PI3: variants seen among roughly 807,000 people sequenced by gnomAD.
The protein encoded by PI3 is elafin.
A neutral mutation model predicts 6.0 loss-of-function variants in PI3; 4 were observed. The ratio of observed to expected loss-of-function variants is 0.67; its 90% CI spans 0.33 to 1.54. The LOEUF is 1.54. Ranked by LOEUF, PI3 falls within the 40% of genes most tolerant of loss-of-function variation. PI3 has a pLI of 0.06. For synonymous variants in PI3, 58 were observed against 56.9 expected (o/e 1.02, Z -0.09); for missense variants, 149 against 147.6 (o/e 1.01, Z -0.05).
In PI3 at chr20:45,175,861, T is replaced by C. The variant is rs771203666; in HGVS notation, c.80T>C (p.Val27Ala). 6.2e-6 allele frequency: 10 copies of C among 1,613,734 alleles called. No individual in the cohort carries two copies. The South Asian group carries it at 7.7e-5, about 12-fold the overall frequency. ...TLVLEAAVTGVPVKGQDTVKG... is the reference protein window; with the variant it reads ...TLVLEAAVTGAPVKGQDTVKG... ...GTGGGCTCGTTTCTTCTTTTAACAG[T>C]TCCTGTTAAAGGTCAAGACACTGTC... is the stretch of plus-strand genomic sequence containing the variant. The change falls in exon 2 of 3, where the codon GTT becomes GCT. Residue 27 changes from valine to alanine, a missense_variant and splice_region_variant. Transcript: ENST00000243924.
chr20:45,175,870 A>G lies in PI3; in HGVS notation c.89A>G (p.Lys30Arg). ...TTTCTTCTTTTAACAGTTCCTGTTA[A>G]AGGTCAAGACACTGTCAAAGGCCGT... ...LEAAVTGVPV[K>R]GQDTVKGRVP... The change falls in exon 2 of 3, where the codon AAA becomes AGA. Residue 30 changes from lysine (K) to arginine (R), a missense_variant. Lys to Arg is a conservative substitution (Grantham distance 26, BLOSUM62 2). Coordinates refer to ENST00000243924, the MANE Select transcript of PI3 (RefSeq NM_002638.4). 6.2e-7 allele frequency: 1 copy of G among 1,614,050 alleles called. No homozygotes were observed. The highest frequency in any genetic ancestry group is 1.3e-5 in the African/African-American group (1 of 75,018).
Position 45,175,325 on chromosome 20 carries a change from T to C in PI3, c.79+324T>C, listed in dbSNP as rs1382099955. 2.0e-5 allele frequency among the ~76,000 whole-genome samples: 3 copies of C among 151,996 alleles called. No individual in the cohort carries two copies. In the East Asian group the frequency reaches 5.8e-4, roughly 29 times the overall value. Reference sequence around the variant, plus strand: ...TTTTAAACCTTGGGTGTGGACACAGTCCCCCGTTTCTCTGCCCCATAAAAG... The same window carrying C: ...TTTTAAACCTTGGGTGTGGACACAGCCCCCCGTTTCTCTGCCCCATAAAAG... On this transcript the variant is annotated intron_variant, in intron 1 of 2. Coordinates refer to ENST00000243924, the MANE Select transcript of PI3 (RefSeq NM_002638.4).
chr20:45,176,366 A>G lies in PI3; in HGVS notation c.*2-4A>G. Reference sequence around the variant, plus strand: ...CTCACCTCTGATACTCTTCTCTTCCACAGAGGGAGCCGGTCCTTGCTGCAC... The same window carrying G: ...CTCACCTCTGATACTCTTCTCTTCCGCAGAGGGAGCCGGTCCTTGCTGCAC... On this transcript the variant is annotated splice_polypyrimidine_tract_variant and splice_region_variant and intron_variant, in intron 2 of 2. Transcript: ENST00000243924. The G allele has an allele frequency of 1.7e-6, 1 of 576,278 alleles. No homozygotes were observed. Among genetic ancestry groups the G allele is most frequent in the Admixed American group, 3.1e-5 (1 of 32,784 alleles). 35.7% of individuals were successfully genotyped at this position (576,278 alleles called of 1,614,324 possible). A position where few individuals can be genotyped will look rare whatever the true frequency, so the allele number is the denominator to read the frequency against.
chr20:45,176,458 A>C lies in PI3; in HGVS notation c.*90A>C. On this transcript the variant is annotated 3_prime_UTR_variant, in exon 3 of 3. Transcript: ENST00000243924. ...TCCCTGCTGCCCTTCCCCTTCCCAC[A>C]CTGTCCATTCTTCCTCCCATTCAGG... 2.9e-6 allele frequency: 1 copy of C among 349,278 alleles called. No individual in the cohort carries two copies. The highest frequency in any genetic ancestry group is 4.3e-5 in the Admixed American group (1 of 23,162). 21.6% of individuals were successfully genotyped at this position (349,278 alleles called of 1,614,324 possible).
At position 45,176,360 on chromosome 20, in the gene PI3, T is replaced by C; in HGVS notation, c.*2-10T>C. 1 of 583,348 alleles carries C rather than the reference T, an allele frequency of 1.7e-6. No homozygotes were observed. Among genetic ancestry groups the C allele is most frequent in the Non-Finnish European group, 3.0e-6 (1 of 328,458 alleles). The allele number at this position is 583,348 out of a possible 1,614,324, so 36.1% of individuals were successfully genotyped here. ...CTGACTCTCACCTCTGATACTCTTC[T>C]CTTCCACAGAGGGAGCCGGTCCTTG... On this transcript the variant is annotated splice_polypyrimidine_tract_variant and intron_variant, in intron 2 of 2. Coordinates refer to ENST00000243924, the MANE Select transcript of PI3 (RefSeq NM_002638.4).
rs145462673 is a variant in PI3 at position 45,174,997 on chromosome 20, G to C, written c.75G>C (p.Thr25=). The C allele has an allele frequency of 1.2e-6, 2 of 1,611,434 alleles. 1 individual carries two copies. Among genetic ancestry groups the C allele is most frequent in the African/African-American group, 2.7e-5 (2 of 74,818 alleles). ...CGCTGGTTCTAGAGGCAGCTGTCAC[G>C]GGAGGTGAGTGAACAGGTGACCTGC... The part of the protein sequence containing the change: ...AGTLVLEAAV[T]GVPVKGQDTV... Residue 25 remains threonine, a synonymous_variant, in exon 1 of 3, where the codon ACG becomes ACC. Transcript: ENST00000243924.
Position 45,176,524 on chromosome 20 carries a change from T to A in PI3, c.*156T>A, listed in dbSNP as rs1982798724. 9.3e-6 allele frequency: 2 copies of A among 216,080 alleles called. No individual in the cohort carries two copies. The highest frequency in any genetic ancestry group is 1.0e-4 in the Admixed American group (2 of 19,146). The allele number at this position is 216,080 out of a possible 1,614,324, so 13.4% of individuals were successfully genotyped here. On this transcript the variant is annotated 3_prime_UTR_variant, in exon 3 of 3. Transcript: ENST00000243924. Reference sequence around the variant, plus strand: ...GCTGCCTCTCTCATCCACTTTCCAATAAAGAGTTCCTTCTGCTCCACTTGT... The same window carrying A: ...GCTGCCTCTCTCATCCACTTTCCAAAAAAGAGTTCCTTCTGCTCCACTTGT...
At position 45,176,024 on chromosome 20, in the gene PI3, C is replaced by T. The variant is rs1982785019; in HGVS notation, c.243C>T (p.Ile81=). ...TKPGSCPIIL[I]RCAMLNPPNR... ...CTGGCTCCTGCCCCATTATCTTGAT[C>T]CGGTGCGCCATGTTGAATCCCCCTA... Residue 81 remains isoleucine, a synonymous_variant, in exon 2 of 3, where the codon ATC becomes ATT. Coordinates refer to ENST00000243924, the MANE Select transcript of PI3 (RefSeq NM_002638.4). 1 of 1,614,036 alleles carries T rather than the reference C, an allele frequency of 6.2e-7. No homozygotes were observed. Among genetic ancestry groups the T allele is most frequent in the African/African-American group, 1.3e-5 (1 of 74,924 alleles).
chr20:45,176,205 C>A (rs1411363764), intron 2 of PI3, 69 bp downstream of exon 2: 1 of 1,531,996 alleles, frequency 6.5e-7, no homozygotes. Flanking sequence ...GGGGAAGCAT[C>A]CCAGGTTGGT....
intron 2 of PI3, 99 bp from the exon 3 acceptor site, chr20:45,176,271 G>A (rs1440819943): frequency 2.5e-6 from 2 of 792,094 alleles, no homozygotes; most frequent in East Asian, 5.2e-5. Flanking sequence ...GGTCTGAGAG[G>A]CTATAACCAG....
At chr20:45,175,097 G>A (rs1982764853) in intron 1 of PI3, 96 bp downstream of exon 1, 1 of 783,972 alleles carries the variant, frequency 1.3e-6, no homozygotes, top group African/African-American at 1.8e-5. Context: ...GAAGCAGTAG[G>A]CAGCACTGGA....
At position 45,175,943 on chromosome 20, in the gene PI3, A is replaced by C. The variant is rs577013247; in HGVS notation, c.162A>C (p.Lys54Asn). The change falls in exon 2 of 3, where the codon AAA becomes AAC. Residue 54 changes from lysine to asparagine, a missense_variant. Lys to Asn is a moderately conservative substitution (Grantham distance 94, BLOSUM62 0). Transcript: ENST00000243924. ...QDPVKGQVSV[K>N]GQDKVKAQEP... is the part of the protein sequence containing the mutation. ...CCGTTAAAGGACAAGTTTCAGTTAA[A>C]GGTCAAGATAAAGTCAAAGCGCAAG... 1 of 1,614,100 alleles carries C rather than the reference A, an allele frequency of 6.2e-7. No individual in the cohort carries two copies. The highest frequency in any genetic ancestry group is 8.5e-7 in the Non-Finnish European group (1 of 1,180,024).
chr20:45,175,035 G>C lies in PI3; in HGVS notation c.79+34G>C, dbSNP rs766558518. 2.7e-5 allele frequency: 42 copies of C among 1,565,344 alleles called. No homozygotes were observed. The Admixed American group carries it at 3.6e-4, about 13-fold the overall frequency. ...ACAGGTGACCTGCTGGGCTGGGTTG[G>C]ACTAAGGGGAGACCCTCTGGGACAC... On this transcript the variant is annotated intron_variant, in intron 1 of 2. Coordinates refer to ENST00000243924, the MANE Select transcript of PI3 (RefSeq NM_002638.4).
Position 45,176,027 on chromosome 20 carries a change from G to C in PI3, c.246G>C (p.Arg82=), listed in dbSNP as rs778724420. The C allele has an allele frequency of 9.3e-6, 15 of 1,614,178 alleles. No homozygotes were observed. Among genetic ancestry groups the C allele is most frequent in the Non-Finnish European group, 1.0e-5 (12 of 1,180,022 alleles). ...KPGSCPIILI[R]CAMLNPPNRC... Reference sequence around the variant, plus strand: ...GCTCCTGCCCCATTATCTTGATCCGGTGCGCCATGTTGAATCCCCCTAACC... The same window carrying C: ...GCTCCTGCCCCATTATCTTGATCCGCTGCGCCATGTTGAATCCCCCTAACC... The change falls in exon 2 of 3, where the codon CGG becomes CGC. Residue 82 remains arginine, a synonymous_variant. Transcript: ENST00000243924.
chr20:45,176,341 C>G, intron 2 of PI3, 29 bp from the exon 3 acceptor site: 1 of 600,774 alleles, frequency 1.7e-6, no homozygotes, highest in Non-Finnish European at 2.9e-6. Context: ...TGTGCTGACT[C>G]TCACCTCTGA....
rs1982789063 is a variant in PI3 at position 45,176,126 on chromosome 20, T to C, written c.345T>C (p.Val115=). 1 of 1,613,844 alleles carries C rather than the reference T, an allele frequency of 6.2e-7. No homozygotes were observed. The highest frequency in any genetic ancestry group is 1.7e-5 in the Admixed American group (1 of 59,984). Residue 115 remains valine (V), a synonymous_variant, in exon 2 of 3, where the codon GTT becomes GTC. Transcript: ENST00000243924. ...CEGSCGMACF[V]PQ ...GCTCTTGCGGGATGGCCTGTTTCGT[T>C]CCCCAGTGAGGTGAGCACTAGCTGG...
In PI3 at chr20:45,176,353, ACTCTT is replaced by A. The variant is rs1160920846; in HGVS notation, c.*2-10_*2-6del. 3.4e-6 allele frequency: 2 copies of A among 586,538 alleles called. No homozygotes were observed. The highest frequency in any genetic ancestry group is 6.0e-6 in the Non-Finnish European group (2 of 330,810). The allele number at this position is 586,538 out of a possible 1,614,324, so 36.3% of individuals were successfully genotyped here. ...TGATGTGCTGACTCTCACCTCTGATACTCTTCTCTTCCACAGAGGGAGCCGGTCCT... is the reference window on the plus strand; with the variant it reads ...TGATGTGCTGACTCTCACCTCTGATACTCTTCCACAGAGGGAGCCGGTCCT... On this transcript the variant is annotated splice_polypyrimidine_tract_variant and intron_variant, in intron 2 of 2. Coordinates refer to ENST00000243924, the MANE Select transcript of PI3 (RefSeq NM_002638.4).
chr20:45,175,043 G>C (rs1568817872), intron 1 of PI3, 42 bp downstream of exon 1: 1 of 1,529,800 alleles, frequency 6.5e-7, no homozygotes, highest in Non-Finnish European at 9.0e-7. Flanking sequence ...TGGACTAAGG[G>C]GAGACCCTCT....
At position 45,176,136 on chromosome 20, in the gene PI3, G is replaced by A. The variant is rs1982789486; in HGVS notation, c.*1G>A. On this transcript the variant is annotated splice_region_variant and 3_prime_UTR_variant, in exon 2 of 3. Coordinates refer to ENST00000243924, the MANE Select transcript of PI3 (RefSeq NM_002638.4). ...GATGGCCTGTTTCGTTCCCCAGTGA[G>A]GTGAGCACTAGCTGGAGAACGAGGA... is the stretch of plus-strand genomic sequence containing the variant. 6.2e-7 allele frequency: 1 copy of A among 1,614,002 alleles called. No homozygotes were observed. The highest frequency in any genetic ancestry group is 2.2e-5 in the East Asian group (1 of 44,870).
Sources: allele counts gnomAD v4.1 joint callset (sites outside exome capture counted in the v4.1 genomes callset), GRCh38; gene constraint gnomAD v4.1.1; transcripts MANE v1.5; gene names NCBI Gene and HGNC (gene_info 2026-07-23, HGNC 2026-07-21).